Variants in SHLD2 observed in about 807,000 individuals in gnomAD.
SHLD2 encodes RINN1-REV7-interacting novel NHEJ regulator 2.
In SHLD2, 30 loss-of-function variants were observed where a neutral mutation model predicts 73.2. That is an observed-to-expected ratio of 0.41 (90% confidence interval 0.31 to 0.56). SHLD2 has a LOEUF of 0.56. Ranked by LOEUF, SHLD2 falls within the 20% of genes least tolerant of loss-of-function variation. SHLD2 has a pLI of 0.28. For synonymous variants in SHLD2, 285 were observed against 370.1 expected, an observed-to-expected ratio of 0.77 and a Z score of 2.64; for missense variants, 745 against 1,055.9, an observed-to-expected ratio of 0.71 and a Z score of 4.08.
intron 2 of SHLD2, among the ~76,000 whole-genome samples, chr10:87,146,672 T>G (rs1038832568): frequency 2.6e-5 from 4 of 152,000 alleles, no homozygotes; most frequent in African/African-American, 9.7e-5. Context: ...ACAATTCTCC[T>G]TCTTCCATTG....
chr10:87,179,965 A>T lies in SHLD2; in HGVS notation c.2171-110A>T, dbSNP rs1270657910. 3 of 742,012 alleles carry T rather than the reference A, an allele frequency of 4.0e-6. No homozygotes were observed. In the East Asian group the frequency reaches 7.8e-5, roughly 19 times the overall value. 46.0% of individuals were successfully genotyped at this position (742,012 alleles called of 1,614,324 possible). On this transcript the variant is annotated intron_variant, in intron 7 of 9. Coordinates refer to ENST00000298786, the MANE Select transcript of SHLD2 (RefSeq NM_001330112.2). ...AAGACGAAGAACAAGACCTCAGTGT[A>T]TCCTTTTACTACAAGTGACTGTAAA...
intron 1 of SHLD2, 131 bp downstream of exon 1, chr10:87,095,379 T>C (rs1393669313): frequency 1.3e-5 from 2 of 152,040 alleles, no homozygotes; most frequent in Non-Finnish European, 2.9e-5. Flanking sequence ...CTTGGCGGTC[T>C]GGTCGGGGAC....
chr10:87,174,769 A>G (rs1650295984), intron 6 of SHLD2, among the ~76,000 whole-genome samples: 1 of 152,180 alleles, frequency 6.6e-6, no homozygotes, highest in Non-Finnish European at 1.5e-5. Flanking sequence ...GATAAGTTGA[A>G]TTTACTAATA....
intron 2 of SHLD2, among the ~76,000 whole-genome samples, chr10:87,122,173 C>CAAAAAAAAAA (rs10706744): frequency 4.3e-4 from 37 of 86,398 alleles, no homozygotes; most frequent in African/African-American, 1.6e-3. Flanking sequence ...CACTGACTGT[C>CAAAAAAAAAA]AAAAAAAAAA....
At chr10:87,156,731 C>T (rs1031435454) in intron 3 of SHLD2, among the ~76,000 whole-genome samples, 1 of 152,180 alleles carries the variant, frequency 6.6e-6, no homozygotes, top group African/African-American at 2.4e-5. Flanking sequence ...AATTTCTCGT[C>T]TGTTCCTTTT....
chr10:87,141,196 G>A (rs1845170648), intron 2 of SHLD2, among the ~76,000 whole-genome samples: 1 of 152,182 alleles, frequency 6.6e-6, no homozygotes, highest in Admixed American at 6.5e-5. Flanking sequence ...TGGGAGGATT[G>A]CTTGAGCTTG....
intron 3 of SHLD2, among the ~76,000 whole-genome samples, chr10:87,157,169 G>A (rs1176812917): frequency 6.6e-6 from 1 of 152,110 alleles, no homozygotes; most frequent in African/African-American, 2.4e-5. Flanking sequence ...CTGAGTTTGG[G>A]GAGCCAATGG....
chr10:87,126,643 A>T (rs1844030256), intron 2 of SHLD2, among the ~76,000 whole-genome samples: 1 of 152,164 alleles, frequency 6.6e-6, no homozygotes, highest in South Asian at 2.1e-4. Context: ...CAACTTCATG[A>T]TTTATACATA....
intron 2 of SHLD2, among the ~76,000 whole-genome samples, chr10:87,112,643 T>G (rs1170858852): frequency 1.4e-5 from 2 of 146,972 alleles, no homozygotes; most frequent in African/African-American, 5.1e-5. Flanking sequence ...TCTAAAATAA[T>G]AAATGATAAT....
intron 6 of SHLD2, among the ~76,000 whole-genome samples, chr10:87,175,224 A>G (rs1455298554): frequency 2.0e-5 from 3 of 152,110 alleles, no homozygotes; most frequent in African/African-American, 7.2e-5. Context: ...TTGAAATATG[A>G]GTGAAATATT....
At chr10:87,169,783 G>A (rs1448094308) in intron 4 of SHLD2, among the ~76,000 whole-genome samples, 11 of 151,956 alleles carry the variant, frequency 7.2e-5, no homozygotes, top group Non-Finnish European at 1.5e-4. Context: ...AATGAGACAG[G>A]AAAGAGAAAA....
At chr10:87,173,500 T>TATTTAAC (rs1402585172) in intron 6 of SHLD2, among the ~76,000 whole-genome samples, 1 of 152,074 alleles carries the variant, frequency 6.6e-6, no homozygotes, top group Non-Finnish European at 1.5e-5. Flanking sequence ...AAAAGAATAG[T>TATTTAAC]TAATGTTTGG....
intron 8 of SHLD2, among the ~76,000 whole-genome samples, chr10:87,186,037 C>T (rs1413476785): frequency 1.3e-5 from 2 of 152,102 alleles, no homozygotes; most frequent in South Asian, 2.1e-4. Flanking sequence ...TACAGTTTTA[C>T]GTTCCTTGAG....
rs554905049 is a variant in SHLD2, at chr10:87,133,102, C to A, written c.-5-18248C>A. Among the ~76,000 whole-genome samples the A allele has an allele frequency of 2.9e-3, 443 of 152,204 alleles. 4 individuals are homozygous for A. The highest frequency in any genetic ancestry group is 0.01 in the African/African-American group (432 of 41,530). On this transcript the variant is annotated intron_variant, in intron 2 of 9. Coordinates refer to ENST00000298786, the MANE Select transcript of SHLD2 (RefSeq NM_001330112.2). ...CATTAAGATCTGATTCCAAAGTAGTCTTTCTTAACTATATTGCTTTATGTG... is the reference window on the plus strand; with the variant it reads ...CATTAAGATCTGATTCCAAAGTAGTATTTCTTAACTATATTGCTTTATGTG...
chr10:87,164,893 T>C (rs1381126671), intron 4 of SHLD2, among the ~76,000 whole-genome samples: 1 of 150,846 alleles, frequency 6.6e-6, no homozygotes, highest in African/African-American at 2.4e-5. Flanking sequence ...GAAAAAAAAA[T>C]AGAGAATTAC....
chr10:87,110,188 CTG>C (rs1384721627), intron 2 of SHLD2, among the ~76,000 whole-genome samples: 1 of 152,070 alleles, frequency 6.6e-6, no homozygotes, highest in African/African-American at 2.4e-5. Context: ...ACTCAGGAGA[CTG>C]AGGTGGGAGG....
chr10:87,130,671 A>T (rs1844363958), intron 2 of SHLD2, among the ~76,000 whole-genome samples: 2 of 152,176 alleles, frequency 1.3e-5, no homozygotes, highest in South Asian at 4.1e-4. Flanking sequence ...TCTGTGGACG[A>T]AGGTTGGTTT....
At chr10:87,162,530 CA>C (rs1031330496) in intron 4 of SHLD2, among the ~76,000 whole-genome samples, 3 of 152,010 alleles carry the variant, frequency 2.0e-5, no homozygotes, top group African/African-American at 7.2e-5. Flanking sequence ...CCTGTCTCTA[CA>C]AAAAGTCAAA....
chr10:87,094,928 C>G, upstream of SHLD2: 1 of 384,928 alleles, frequency 2.6e-6, no homozygotes. This position sits in a 1 kb window ranked among gnomAD's most constrained non-coding sequence, Gnocchi z 6.6. Context: ...CGCCACCTAA[C>G]GGGGAGGACG....
Sources: gnomAD v4.1 joint callset for allele counts (sites outside exome capture counted in the v4.1 genomes callset) on GRCh38, gnomAD v4.1.1 for gene constraint, Gnocchi (gnomAD v3.1) non-coding constraint, MANE v1.5 for transcripts, NCBI Gene and HGNC (gene_info 2026-07-23, HGNC 2026-07-21) for gene names.